The following DHX8 variants were observed in gnomAD, a reference collection of about 807,000 sequenced individuals.
DHX8 encodes DEAH-box helicase 8.
In DHX8, 67 loss-of-function variants were observed where a neutral mutation model predicts 140.7. That is an observed-to-expected ratio of 0.48 (90% CI 0.39 to 0.58). The LOEUF (loss-of-function observed/expected upper bound fraction) is 0.58. Ranked by LOEUF, DHX8 falls within the 20% of genes least tolerant of loss-of-function variation. The pLI, the probability that DHX8 is intolerant of heterozygous loss-of-function variation, is 0.00. For synonymous variants in DHX8, 533 were observed against 553.2 expected, an observed-to-expected ratio of 0.96 and a Z score of 0.51; for missense variants, 887 against 1,550.7, an observed-to-expected ratio of 0.57 and a Z score of 7.19.
chr17:43,487,981 A>G (rs66959470), intron 1 of DHX8, among the ~76,000 whole-genome samples: 60,598 of 151,796 alleles, frequency 0.4, 13,211 homozygotes, highest in Non-Finnish European at 0.49. Context: ...TTAAAAAAAA[A>G]TGAAAAAATA....
chr17:43,538,140 CAAAAAAAAA>C (rs34924870), intron 3 of DHX8, among the ~76,000 whole-genome samples: 13 of 110,738 alleles, frequency 1.2e-4, no homozygotes, highest in Admixed American at 8.6e-4. Context: ...GACTCCATTT[CAAAAAAAAA>C]AAAAAAAAAA....
chr17:43,520,032 T>C (rs1417964913), intron 18 of DHX8, 98 bp from the exon 19 acceptor site: 3 of 1,438,626 alleles, frequency 2.1e-6, no homozygotes, highest in East Asian at 2.3e-5. Flanking sequence ...CTAATTGCAA[T>C]TGAAGAAATG....
intron 10 of DHX8, 143 bp from the exon 11 acceptor site, chr17:43,499,813 T>C: frequency 1.1e-6 from 1 of 873,254 alleles, no homozygotes; most frequent in East Asian, 2.5e-5. Context: ...TGCTACGGTT[T>C]ATCCATTTCT....
Position 43,522,201 on chromosome 17 carries a change from G to T in DHX8, c.3418G>T (p.Ala1140Ser). 6.2e-7 allele frequency: 1 copy of T among 1,613,862 alleles called. No individual in the cohort carries two copies. The change falls in exon 22 of 23, where the codon GCC becomes TCC. Residue 1140 changes from alanine to serine, a missense_variant. This residue lies in a region of DHX8 where 101 missense variants were observed against 168.2 expected (regional missense o/e 0.60). Transcript: ENST00000262415. ...GGTGGTCTATATCCATCCTTCCAGTGCCCTCTTCAACAGACAGCCAGAATG... is the reference window on the plus strand; with the variant it reads ...GGTGGTCTATATCCATCCTTCCAGTTCCCTCTTCAACAGACAGCCAGAATG... ...QQVVYIHPSS[A>S]LFNRQPEWVV...
chr17:43,517,026 G>A, intron 17 of DHX8, 141 bp from the exon 18 acceptor site: 1 of 887,458 alleles, frequency 1.1e-6, no homozygotes, highest in South Asian at 1.9e-5. Flanking sequence ...GGTAGTCTTG[G>A]AAATGGTCCC....
chr17:43,493,738 T>C lies in DHX8; in HGVS notation c.1064T>C (p.Val355Ala). 3 of 1,614,170 alleles carry C rather than the reference T, an allele frequency of 1.9e-6. No homozygotes were observed. The highest frequency in any genetic ancestry group is 2.5e-6 in the Non-Finnish European group (3 of 1,180,036). ...AACCCAAATAGACGGCGAAATCTTG[T>C]CGGGGAGACCAATGAGGAGACCTCA... The part of the protein sequence containing the change: ...DLNPNRRRNL[V>A]GETNEETSMR... The change falls in exon 8 of 23, where the codon GTC becomes GCC. Residue 355 changes from valine (V) to alanine (A), a missense_variant. Transcript: ENST00000262415.
At chr17:43,523,291 C>T (rs1217036632) in intron 22 of DHX8, among the ~76,000 whole-genome samples, 1 of 152,124 alleles carries the variant, frequency 6.6e-6, no homozygotes, top group African/African-American at 2.4e-5. Flanking sequence ...CTTCAGAGCC[C>T]TAGAATTCTG....
chr17:43,532,266 G>A (rs938659197), intron 2 of DHX8, among the ~76,000 whole-genome samples: 1 of 152,180 alleles, frequency 6.6e-6, no homozygotes, highest in South Asian at 2.1e-4. Context: ...TTGGGAGGCC[G>A]AGGCGATGGA....
Position 43,524,024 on chromosome 17 carries a change from GC to G in DHX8, c.*178del. ...AAATAGAAACAGGGATTTAAACCTG[GC>G]TTTGGCAAGAGCCTGCAGCCTCCAT... is the stretch of plus-strand genomic sequence containing the variant. On this transcript the variant is annotated 3_prime_UTR_variant, in exon 23 of 23. Transcript: ENST00000262415. 1 of 1,431,680 alleles carries G rather than the reference GC, an allele frequency of 7.0e-7. No individual in the cohort carries two copies. Among genetic ancestry groups the G allele is most frequent in the Non-Finnish European group, 9.1e-7 (1 of 1,097,462 alleles). 88.7% of individuals were successfully genotyped at this position (1,431,680 alleles called of 1,614,324 possible).
intron 9 of DHX8, among the ~76,000 whole-genome samples, chr17:43,498,211 C>G (rs1968978843): frequency 6.6e-6 from 1 of 151,014 alleles, no homozygotes; most frequent in South Asian, 2.1e-4. Context: ...GTGGCACGGT[C>G]TTGGCTCACT....
rs950991590 is a variant in DHX8 at position 43,523,623 on chromosome 17, C to G, written c.3444-5C>G. 1.2e-6 allele frequency: 2 copies of G among 1,614,048 alleles called. No homozygotes were observed. Among genetic ancestry groups the G allele is most frequent in the African/African-American group, 1.3e-5 (1 of 75,044 alleles). ...GGCTTGAGTACTATCTCTGTCCCCCCTCAGGGTGGTGTACCATGAGCTGGT... is the reference window on the plus strand; with the variant it reads ...GGCTTGAGTACTATCTCTGTCCCCCGTCAGGGTGGTGTACCATGAGCTGGT... On this transcript the variant is annotated splice_polypyrimidine_tract_variant and splice_region_variant and intron_variant, in intron 22 of 22. Coordinates refer to ENST00000262415, the MANE Select transcript of DHX8 (RefSeq NM_004941.3).
At position 43,522,157 on chromosome 17, in the gene DHX8, G is replaced by A. The variant is rs370652401; in HGVS notation, c.3374G>A (p.Arg1125Gln). Residue 1125 changes from arginine to glutamine, a missense_variant, in exon 22 of 23, where the codon CGG becomes CAG. Physicochemically the swap from Arg to Gln is conservative, Grantham distance 43 (BLOSUM62 1). This residue lies in a region of DHX8 where 101 missense variants were observed against 168.2 expected (regional missense o/e 0.60). Transcript: ENST00000262415. ...AAKKDPQEGYRTLIDQQVVYI... is the reference protein window; with the variant it reads ...AAKKDPQEGYQTLIDQQVVYI... ...AAGAAAGACCCGCAGGAGGGTTACC[G>A]GACACTGATCGACCAGCAGGTGGTC... The A allele has an allele frequency of 9.9e-6, 16 of 1,613,936 alleles. No homozygotes were observed. Among genetic ancestry groups the A allele is most frequent in the Admixed American group, 1.7e-5 (1 of 59,998 alleles).
rs1970538096 is a variant in DHX8 at position 43,524,596 on chromosome 17, G to A, written c.*749G>A. ...AGAGCACTTCAGTCTGGAGGCCTGA[G>A]TGGCTACAGATGGCACATATTAAAT... On this transcript the variant is annotated 3_prime_UTR_variant, in exon 23 of 23. Coordinates refer to ENST00000262415, the MANE Select transcript of DHX8 (RefSeq NM_004941.3). 2.0e-6 allele frequency: 2 copies of A among 985,412 alleles called. No homozygotes were observed. The highest frequency in any genetic ancestry group is 2.4e-6 in the Non-Finnish European group (2 of 830,030). 61.0% of individuals were successfully genotyped at this position (985,412 alleles called of 1,614,324 possible). A position where few individuals can be genotyped will look rare whatever the true frequency, so the allele number is the denominator to read the frequency against.
downstream of DHX8, chr17:43,529,103 C>A (rs769840030): frequency 1.2e-6 from 2 of 1,605,508 alleles, no homozygotes; most frequent in African/African-American, 1.3e-5. Context: ...CACTGCCCCC[C>A]ACCACCTTGT....
intron 9 of DHX8, 108 bp downstream of exon 9, chr17:43,496,376 C>T: frequency 1.4e-6 from 1 of 701,248 alleles, no homozygotes; most frequent in African/African-American, 1.8e-5. Flanking sequence ...TTCTTTGGAT[C>T]TCACTACTCA....
In DHX8 at chr17:43,524,292, G is replaced by C. The variant is rs1970524470; in HGVS notation, c.*445G>C. The C allele has an allele frequency of 1.0e-6, 1 of 1,002,840 alleles. No homozygotes were observed. The highest frequency in any genetic ancestry group is 1.7e-5 in the African/African-American group (1 of 57,588). The allele number at this position is 1,002,840 out of a possible 1,614,324, so 62.1% of individuals were successfully genotyped here. On this transcript the variant is annotated 3_prime_UTR_variant, in exon 23 of 23. Coordinates refer to ENST00000262415, the MANE Select transcript of DHX8 (RefSeq NM_004941.3). ...CCCTGTACTTTGGCTTGACCTCGTG[G>C]AAATATTTATTTTCTTAAGGAAACA...
intron 16 of DHX8, among the ~76,000 whole-genome samples, chr17:43,511,851 C>CAAAA (rs1210970204): frequency 2.9e-5 from 2 of 67,996 alleles, no homozygotes; most frequent in African/African-American, 1.3e-4. Context: ...CCTATCTCTA[C>CAAAA]AAAAAAAAAA....
intron 8 of DHX8, among the ~76,000 whole-genome samples, chr17:43,494,881 A>G (rs997967755): frequency 3.4e-5 from 5 of 146,368 alleles, no homozygotes; most frequent in African/African-American, 1.3e-4. Context: ...GTGCGATCTC[A>G]GCTCACTGCA....
At chr17:43,526,362 A>T (rs1970616681), downstream of DHX8, 25 of 1,473,602 alleles carry the variant, frequency 1.7e-5, no homozygotes, top group Non-Finnish European at 2.2e-5. Flanking sequence ...ACACATGCTG[A>T]GTGTGCTGTT....
Sources: allele counts gnomAD v4.1 joint callset (sites outside exome capture counted in the v4.1 genomes callset), GRCh38; gene constraint gnomAD v4.1.1; regional missense constraint gnomAD v4.1.1; transcripts MANE v1.5; gene names NCBI Gene and HGNC (gene_info 2026-07-23, HGNC 2026-07-21).